Variants in PTPN3 observed in about 807,000 individuals in gnomAD.
PTPN3 encodes the protein tyrosine-protein phosphatase non-receptor type 3.
A neutral mutation model predicts 132.7 loss-of-function variants in PTPN3; 96 were observed. The ratio of observed to expected loss-of-function variants is 0.72; its 90% CI spans 0.61 to 0.86. The LOEUF is 0.86. Among genes scored for constraint, PTPN3 ranks in the 40% least tolerant of loss-of-function variants. PTPN3 has a pLI of 0.00. For missense variants in PTPN3, 1,125 were observed against 1,159.6 expected (o/e 0.97, Z 0.43); for synonymous variants, 398 against 429.0 (o/e 0.93, Z 0.89).
chr9:109,531,931 A>G, the PTPN3 span, among the ~76,000 whole-genome samples: 1 of 152,216 alleles, frequency 6.6e-6, no homozygotes, highest in African/African-American at 2.4e-5. Context: ...AGTTGTGAGT[A>G]TGAGAACTCA....
chr9:109,452,554 T>A (rs959623264), intron 5 of PTPN3, among the ~76,000 whole-genome samples: 13 of 150,658 alleles, frequency 8.6e-5, no homozygotes, highest in Non-Finnish European at 1.2e-4. Context: ...TTTTAAGACA[T>A]CCCTTCAACA....
At chr9:109,408,281 C>T in intron 17 of PTPN3, 40 bp downstream of exon 17, 1 of 1,468,160 alleles carries the variant, frequency 6.8e-7, no homozygotes, top group Non-Finnish European at 9.2e-7. Context: ...TAGGGGGAAA[C>T]AAACAAACAC....
chr9:109,536,852 G>C, the PTPN3 span, among the ~76,000 whole-genome samples: 1 of 152,150 alleles, frequency 6.6e-6, no homozygotes, highest in Non-Finnish European at 1.5e-5. Context: ...ATTCCCCTCT[G>C]TCAATGAGAA....
intron 21 of PTPN3, among the ~76,000 whole-genome samples, chr9:109,390,690 C>T (rs907557128): frequency 6.6e-6 from 1 of 152,122 alleles, no homozygotes; most frequent in African/African-American, 2.4e-5. Context: ...AAAATAAGTG[C>T]TTTTCCCATA....
At chr9:109,471,569 C>G (rs7874372) in intron 1 of PTPN3, among the ~76,000 whole-genome samples, 10,067 of 152,204 alleles carry the variant, frequency 0.066, 384 homozygotes, top group South Asian at 0.16. Flanking sequence ...CCAGTCCATA[C>G]TAAAATTTTG....
intron 11 of PTPN3, among the ~76,000 whole-genome samples, chr9:109,427,907 T>C (rs987390017): frequency 6.6e-6 from 1 of 152,258 alleles, no homozygotes; most frequent in Non-Finnish European, 1.5e-5. Flanking sequence ...GGATTCGTAA[T>C]GATCTGGTTA....
the PTPN3 span, among the ~76,000 whole-genome samples, chr9:109,520,158 C>CAAA: frequency 7.6e-3 from 956 of 125,478 alleles, 9 homozygotes; most frequent in African/African-American, 0.026. Flanking sequence ...GAGTCTGTCT[C>CAAA]AAAAAAAAAA....
chr9:109,404,406 T>G (rs377427821), intron 19 of PTPN3, 42 bp downstream of exon 19: 1 of 1,325,362 alleles, frequency 7.5e-7, no homozygotes, highest in Non-Finnish European at 9.9e-7. Context: ...GGCAGCCCAA[T>G]AGGCGACATG....
intron 1 of PTPN3, among the ~76,000 whole-genome samples, chr9:109,483,190 C>T (rs968199806): frequency 1.3e-5 from 2 of 152,244 alleles, no homozygotes; most frequent in Non-Finnish European, 1.5e-5. Context: ...GCCCAGCCCT[C>T]GCTCCTCAGA....
At chr9:109,427,154 C>T (rs955353671) in intron 11 of PTPN3, 32 bp from the exon 12 acceptor site, 3 of 1,608,136 alleles carry the variant, frequency 1.9e-6, no homozygotes, top group African/African-American at 2.7e-5. Context: ...ATTTCACCCA[C>T]ACAGACATAG....
intron 5 of PTPN3, chr9:109,449,155 T>C (rs192321763): frequency 8.4e-7 from 1 of 1,189,484 alleles, no homozygotes; most frequent in Non-Finnish European, 1.0e-6. Flanking sequence ...AAAGATGGGC[T>C]GGTACTATGG....
chr9:109,447,017 T>TACAAATAC (rs1401805149), intron 6 of PTPN3, among the ~76,000 whole-genome samples: 1 of 152,128 alleles, frequency 6.6e-6, no homozygotes, highest in Non-Finnish European at 1.5e-5. Context: ...GACCCACAGT[T>TACAAATAC]ACAAATACAC....
At chr9:109,535,514 T>TGAGACAGAG in the PTPN3 span, among the ~76,000 whole-genome samples, 5 of 152,130 alleles carry the variant, frequency 3.3e-5, no homozygotes, top group Admixed American at 1.3e-4. Flanking sequence ...CCTCTTTTTT[T>TGAGACAGAG]TTTCTTTTTT....
At chr9:109,406,372 C>G (rs1841563540) in intron 18 of PTPN3, 90 bp downstream of exon 18, 2 of 1,422,248 alleles carry the variant, frequency 1.4e-6, no homozygotes. Context: ...GCTACAAACT[C>G]AACATTTTCA....
intron 19 of PTPN3, among the ~76,000 whole-genome samples, chr9:109,404,197 C>G (rs1281589379): frequency 2.6e-5 from 4 of 152,176 alleles, no homozygotes; most frequent in Non-Finnish European, 4.4e-5. Context: ...GGGTGGCCAC[C>G]CTGATCCCTG....
At chr9:109,500,972 A>G (rs1328550765), upstream of PTPN3, among the ~76,000 whole-genome samples, 1 of 152,118 alleles carries the variant, frequency 6.6e-6, no homozygotes, top group Non-Finnish European at 1.5e-5. Context: ...TAGATTGTAT[A>G]AACATGGTGT....
chr9:109,458,236 AC>A (rs1287614397), intron 2 of PTPN3, among the ~76,000 whole-genome samples: 2 of 151,946 alleles, frequency 1.3e-5, no homozygotes, highest in Non-Finnish European at 2.9e-5. Flanking sequence ...AGAGGAAGCA[AC>A]CCCCTGATCT....
chr9:109,406,431 C>A lies in PTPN3; in HGVS notation c.1792+31G>T, dbSNP rs1588344899. The A allele has an allele frequency of 3.7e-6, 6 of 1,606,254 alleles. No homozygotes were observed. The African/African-American group carries it at 5.3e-5, about 14-fold the overall frequency. On this transcript the variant is annotated intron_variant, in intron 18 of 25. Coordinates refer to ENST00000374541, the MANE Select transcript of PTPN3 (RefSeq NM_002829.4). ...GGCGCAGCTTGGCTAGGACAGCTTC[C>A]CTATGGCTCCTCCCCCCAGGTGGCC... is the stretch of plus-strand genomic sequence containing the variant.
intron 2 of PTPN3, among the ~76,000 whole-genome samples, chr9:109,462,188 G>T (rs1845875232): frequency 1.3e-5 from 2 of 152,316 alleles, no homozygotes; most frequent in Admixed American, 1.3e-4. Flanking sequence ...CCATGACTTT[G>T]GTTGTCCACC....
Sources: allele counts gnomAD v4.1 joint callset (sites outside exome capture counted in the v4.1 genomes callset), GRCh38; gene constraint gnomAD v4.1.1; transcripts MANE v1.5; gene names NCBI Gene and HGNC (gene_info 2026-07-23, HGNC 2026-07-21).